The following NBAS variants were observed in gnomAD, a reference collection of about 807,000 sequenced individuals.
NBAS encodes the protein NBAS subunit of NRZ tethering complex.
In NBAS, 219 loss-of-function variants were observed where a neutral mutation model predicts 302.5. The observed-to-expected ratio is 0.72, with a 90% CI of 0.65 to 0.81. NBAS has a LOEUF of 0.81. Ranked by LOEUF, NBAS falls within the 30% of genes least tolerant of loss-of-function variation. NBAS has a pLI of 0.00. For synonymous variants in NBAS, 1,118 were observed against 1,021.6 expected, an observed-to-expected ratio of 1.09 and a Z score of -1.80; for missense variants, 2,932 against 2,841.6, an observed-to-expected ratio of 1.03 and a Z score of -0.72.
At chr2:15,557,189 A>G (rs1664683911) in intron 2 of NBAS, among the ~76,000 whole-genome samples, 1 of 152,188 alleles carries the variant, frequency 6.6e-6, no homozygotes, top group Admixed American at 6.5e-5. Flanking sequence ...TTAAAGCAAG[A>G]TATATTTTAC....
rs11403016 is a variant in NBAS, at chr2:15,425,162, C to CAA, written c.2424-696_2424-695dup. Among the ~76,000 whole-genome samples the CAA allele has an allele frequency of 6.3e-4, 94 of 149,178 alleles. No homozygotes were observed. The East Asian group carries it at 7.4e-3, about 12-fold the overall frequency. ...GCCAATTGCCTTCCATGTTTAAGGA[C>CAA]AAAAAAAAAATACAAAGTAACAAGT... is the stretch of plus-strand genomic sequence containing the variant. On this transcript the variant is annotated intron_variant, in intron 22 of 51. Coordinates refer to ENST00000281513, the MANE Select transcript of NBAS (RefSeq NM_015909.4).
chr2:14,819,227 T>A, the NBAS span, among the ~76,000 whole-genome samples: 1 of 152,238 alleles, frequency 6.6e-6, no homozygotes, highest in Non-Finnish European at 1.5e-5. Context: ...AACATGTTTG[T>A]GAATGAAAGG....
intron 21 of NBAS, among the ~76,000 whole-genome samples, chr2:15,428,786 G>A (rs1677610969): frequency 6.6e-6 from 1 of 152,156 alleles, no homozygotes; most frequent in Admixed American, 6.5e-5. Context: ...GCTCACGCCT[G>A]TAATCCCAGC....
chr2:15,448,667 A>AAATG (rs1255493460), intron 21 of NBAS, among the ~76,000 whole-genome samples: 2 of 152,226 alleles, frequency 1.3e-5, no homozygotes, highest in African/African-American at 4.8e-5. Context: ...TTTTAGGATT[A>AAATG]AATGAAATAG....
intron 11 of NBAS, among the ~76,000 whole-genome samples, chr2:15,498,015 C>T (rs956778560): frequency 2.0e-5 from 3 of 152,048 alleles, no homozygotes; most frequent in Non-Finnish European, 2.9e-5. Flanking sequence ...CAACTTTTTC[C>T]CCTAGATACA....
chr2:15,536,260 G>GT (rs1451211912), intron 8 of NBAS, among the ~76,000 whole-genome samples, 158 bp downstream of exon 8: 3 of 152,000 alleles, frequency 2.0e-5, no homozygotes, highest in Middle Eastern at 6.8e-3. Context: ...CCAAGTGGAA[G>GT]TAATGGGTGT....
the NBAS span, among the ~76,000 whole-genome samples, chr2:14,782,527 C>T: frequency 6.6e-6 from 1 of 152,080 alleles, no homozygotes; most frequent in Non-Finnish European, 1.5e-5. Context: ...ATTAGTTCAA[C>T]CATTGTGGAA....
chr2:15,425,250 C>G (rs548803921), intron 22 of NBAS, among the ~76,000 whole-genome samples: 1 of 152,140 alleles, frequency 6.6e-6, no homozygotes, highest in Non-Finnish European at 1.5e-5. Flanking sequence ...CTAAAGCAAG[C>G]TGGCAGTACA....
intron 40 of NBAS, 65 bp from the exon 41 acceptor site, chr2:15,292,831 A>C (rs190181953): frequency 2.1e-6 from 3 of 1,451,534 alleles, no homozygotes; most frequent in Middle Eastern, 1.7e-4. Context: ...AGTGAGTAAC[A>C]AATGGAAGAA....
At chr2:15,336,015 G>C (rs888986500) in intron 35 of NBAS, among the ~76,000 whole-genome samples, 3 of 151,686 alleles carry the variant, frequency 2.0e-5, no homozygotes, top group Non-Finnish European at 2.9e-5. Flanking sequence ...AGAATTGCTT[G>C]AGCCCTGGAG....
intron 9 of NBAS, among the ~76,000 whole-genome samples, chr2:15,518,842 A>C (rs1237307101): frequency 6.6e-6 from 1 of 152,084 alleles, no homozygotes; most frequent in Non-Finnish European, 1.5e-5. Flanking sequence ...AGGCAAAGAG[A>C]GCTTGTGCAG....
intron 45 of NBAS, among the ~76,000 whole-genome samples, chr2:15,237,771 A>AT (rs765648566): frequency 0.033 from 2,204 of 66,538 alleles, 73 homozygotes; most frequent in Non-Finnish European, 0.039. Flanking sequence ...TAATGTTTGT[A>AT]TTTTTTTTTT....
At chr2:14,958,682 G>A in the NBAS span, among the ~76,000 whole-genome samples, 1 of 152,202 alleles carries the variant, frequency 6.6e-6, no homozygotes, top group Non-Finnish European at 1.5e-5. Flanking sequence ...ATGAGGCTTT[G>A]CTTTTGAGAA....
At chr2:15,432,533 A>G (rs777752974) in intron 21 of NBAS, among the ~76,000 whole-genome samples, 9 of 152,306 alleles carry the variant, frequency 5.9e-5, no homozygotes, top group East Asian at 3.9e-4. Context: ...TTTATTTCAA[A>G]GAAATTTCAT....
At chr2:15,254,531 T>A (rs763825838) in intron 44 of NBAS, among the ~76,000 whole-genome samples, 98 of 152,114 alleles carry the variant, frequency 6.4e-4, no homozygotes, top group Admixed American at 1.7e-3. Context: ...CTTTGCTTTC[T>A]TTTTTTTCTT....
rs549878879 is a variant in NBAS at position 15,379,589 on chromosome 2, A to G, written c.3590+13T>C. The G allele has an allele frequency of 2.7e-4, 432 of 1,605,398 alleles. 5 individuals carry two copies. The South Asian group carries it at 4.5e-3, about 17-fold the overall frequency. On this transcript the variant is annotated intron_variant, in intron 30 of 51. Transcript: ENST00000281513. The stretch of plus-strand genomic sequence containing the variant: ...CCCCCTCCATCTTAGGGAAGAATAT[A>G]GAGTTATTCTACCTGGCTAGATCCA...
chr2:15,399,374 T>A (rs1453343346), intron 26 of NBAS, among the ~76,000 whole-genome samples: 1 of 152,128 alleles, frequency 6.6e-6, no homozygotes, highest in Non-Finnish European at 1.5e-5. Flanking sequence ...GAAAAGCAAT[T>A]TGACTACTGC....
rs114871939 is a variant in NBAS, at chr2:15,431,756, T to G, written c.2340-3962A>C. Among the ~76,000 whole-genome samples, 783 of 152,250 alleles carry G rather than the reference T, an allele frequency of 5.1e-3. 9 individuals carry two copies. Among genetic ancestry groups the G allele is most frequent in the African/African-American group, 0.018 (757 of 41,558 alleles). ...ACAATGTTTTCCTAATACATATTAT[T>G]AAACTGATGGAAGAGCAAGCTACAC... On this transcript the variant is annotated intron_variant, in intron 21 of 51. Transcript: ENST00000281513.
chr2:15,238,128 A>C (rs1172705245), intron 45 of NBAS, among the ~76,000 whole-genome samples: 1 of 151,916 alleles, frequency 6.6e-6, no homozygotes, highest in Non-Finnish European at 1.5e-5. Context: ...TCTGAGCACC[A>C]CTGTCTTCTC....
Sources: gnomAD v4.1 joint callset for allele counts (sites outside exome capture counted in the v4.1 genomes callset) on GRCh38, gnomAD v4.1.1 for gene constraint, MANE v1.5 for transcripts, NCBI Gene and HGNC (gene_info 2026-07-23, HGNC 2026-07-21) for gene names.